MINAR1: variants seen among roughly 807,000 people sequenced by gnomAD.
MINAR1 encodes the protein membrane integral NOTCH2 associated receptor 1, also known as major intrinsically disordered Notch2-binding receptor 1.
In MINAR1, 40 loss-of-function variants were observed where a neutral mutation model predicts 65.1. The ratio of observed to expected loss-of-function variants is 0.61; its 90% confidence interval spans 0.48 to 0.80. The LOEUF is 0.80. Among genes scored for constraint, MINAR1 ranks in the 30% least tolerant of loss-of-function variants. The pLI, the probability that MINAR1 is intolerant of heterozygous loss-of-function variation, is 0.00. For missense variants in MINAR1, 1,128 were observed against 1,148.0 expected (o/e 0.98, Z 0.25); for synonymous variants, 482 against 449.1 (o/e 1.07, Z -0.93).
At chr15:79,423,436 T>A in the MINAR1 span, 1 of 152,242 alleles carries the variant, frequency 6.6e-6, no homozygotes, top group Non-Finnish European at 1.5e-5. Flanking sequence ...TTGAGTGTTG[T>A]AACATTTTAT....
upstream of MINAR1, among the ~76,000 whole-genome samples, chr15:79,431,870 C>T (rs1470178304): frequency 6.6e-6 from 1 of 152,216 alleles, no homozygotes; most frequent in Non-Finnish European, 1.5e-5. Flanking sequence ...ACCGCCTTCC[C>T]GGGGCTCCGG....
rs148993778 is a variant in MINAR1, at chr15:79,460,896, C to T, written c.2299-2171C>T. 3.1e-3 allele frequency among the ~76,000 whole-genome samples: 465 copies of T among 152,338 alleles called. 3 individuals carry two copies. The highest frequency in any genetic ancestry group is 0.011 in the African/African-American group (447 of 41,578). The stretch of plus-strand genomic sequence containing the variant: ...CATTTGGTCACCCATTCAGTAAACA[C>T]TAATTGAGCACCTATGACGGCCAGG... On this transcript the variant is annotated intron_variant, in intron 2 of 3. Transcript: ENST00000305428.
In MINAR1 at chr15:79,432,452, C is replaced by G. The variant is rs1894469696; in HGVS notation, c.-139C>G. 2 of 152,276 alleles carry G rather than the reference C, an allele frequency of 1.3e-5. No homozygotes were observed. Among genetic ancestry groups the G allele is most frequent in the Admixed American group, 1.3e-4 (2 of 15,290 alleles). 9.4% of individuals were successfully genotyped at this position (152,276 alleles called of 1,614,324 possible). A position where few individuals can be genotyped will look rare whatever the true frequency, so the allele number is the denominator to read the frequency against. On this transcript the variant is annotated 5_prime_UTR_variant, in exon 1 of 4. Transcript: ENST00000305428. ...AGCTGACTCTGGAGCCTACCGGAGG[C>G]GCGGCATCGGAGGCCGTGCGGACCA...
chr15:79,461,176 A>G (rs560408604), intron 2 of MINAR1, among the ~76,000 whole-genome samples: 1 of 152,382 alleles, frequency 6.6e-6, no homozygotes, highest in South Asian at 2.1e-4. Context: ...AAACTCAGTG[A>G]TACGAACAGG....
intron 2 of MINAR1, among the ~76,000 whole-genome samples, chr15:79,458,767 A>G (rs1213527796): frequency 6.6e-6 from 1 of 152,232 alleles, no homozygotes; most frequent in African/African-American, 2.4e-5. Flanking sequence ...GGCAAGCATC[A>G]CCAAGGATAT....
chr15:79,466,771 A>G (rs1019293704), intron 3 of MINAR1, among the ~76,000 whole-genome samples: 3 of 152,214 alleles, frequency 2.0e-5, no homozygotes, highest in Non-Finnish European at 2.9e-5. Context: ...GGGACTCTTT[A>G]CAATAGCTGG....
chr15:79,440,655 C>T (rs1894843821), intron 1 of MINAR1, among the ~76,000 whole-genome samples: 1 of 152,154 alleles, frequency 6.6e-6, no homozygotes, highest in South Asian at 2.1e-4. Flanking sequence ...TTTGCCTTCC[C>T]CTTCCCCCGC....
At chr15:79,436,828 C>T (rs571998545) in intron 1 of MINAR1, among the ~76,000 whole-genome samples, 6 of 152,230 alleles carry the variant, frequency 3.9e-5, no homozygotes, top group African/African-American at 9.6e-5. Flanking sequence ...TTTCTACTGA[C>T]GTGGCCTGTG....
upstream of MINAR1, among the ~76,000 whole-genome samples, chr15:79,427,996 G>A (rs117458518): frequency 1.6e-4 from 25 of 152,226 alleles, no homozygotes; most frequent in Non-Finnish European, 3.4e-4. Flanking sequence ...CCGTTTTGTC[G>A]GCCAGCAAAG....
At position 79,456,547 on chromosome 15, in the gene MINAR1, T is replaced by C. The variant is rs747836504; in HGVS notation, c.400T>C (p.Cys134Arg). 2.2e-5 allele frequency: 36 copies of C among 1,614,052 alleles called. No individual in the cohort carries two copies. Among genetic ancestry groups the C allele is most frequent in the Non-Finnish European group, 3.0e-5 (35 of 1,180,020 alleles). ...SDTEICNAAECEPLNCELSER... is the reference protein window; with the variant it reads ...SDTEICNAAEREPLNCELSER... ...CACAGAGATCTGCAATGCAGCTGAG[T>C]GTGAGCCCCTGAACTGTGAGCTGAG... The change falls in exon 2 of 4, where the codon TGT becomes CGT. Residue 134 changes from cysteine (C) to arginine (R), a missense_variant. Physicochemically the swap from Cys to Arg is radical, Grantham distance 180. Coordinates refer to ENST00000305428, the MANE Select transcript of MINAR1 (RefSeq NM_015206.3).
rs757367586 is a variant in MINAR1, at chr15:79,456,713, C to T, written c.566C>T (p.Ala189Val). 6.2e-7 allele frequency: 1 copy of T among 1,614,198 alleles called. No individual in the cohort carries two copies. The highest frequency in any genetic ancestry group is 1.6e-4 in the Middle Eastern group (1 of 6,062). The change falls in exon 2 of 4, where the codon GCC (alanine) becomes GTC (valine). Residue 189 changes from alanine (A) to valine (V), a missense_variant. By Grantham distance (64) the Ala-to-Val change is moderately conservative. Transcript: ENST00000305428. ...LGVSKEVKNR[A>V]ASLDRLQALA... ...GTTAGCAAAGAGGTGAAAAACCGCG[C>T]CGCTTCCCTGGACAGGTTGCAGGCC...
chr15:79,447,524 T>A lies in MINAR1; in HGVS notation c.-50-8574T>A, dbSNP rs1313157050. Among the ~76,000 whole-genome samples, 11 of 152,346 alleles carry A rather than the reference T, an allele frequency of 7.2e-5. No individual in the cohort carries two copies. The East Asian group carries it at 2.1e-3, about 29-fold the overall frequency. On this transcript the variant is annotated intron_variant, in intron 1 of 3. Coordinates refer to ENST00000305428, the MANE Select transcript of MINAR1 (RefSeq NM_015206.3). ...TGGTGATTTTGTGTCTGCTGATTCTTACTCATTGAGTAGTATTTTCTCTTG... is the reference window on the plus strand; with the variant it reads ...TGGTGATTTTGTGTCTGCTGATTCTAACTCATTGAGTAGTATTTTCTCTTG...
At chr15:79,416,132 C>A in the MINAR1 span, 1 of 152,204 alleles carries the variant, frequency 6.6e-6, no homozygotes, top group Admixed American at 6.5e-5. Flanking sequence ...AGGAACACAT[C>A]ATCTTAGTGA....
chr15:79,433,370 G>C (rs1894506928), intron 1 of MINAR1, among the ~76,000 whole-genome samples: 1 of 152,244 alleles, frequency 6.6e-6, no homozygotes, highest in Non-Finnish European at 1.5e-5. Flanking sequence ...TTAAGCAGCA[G>C]GGAAGATAAG....
At chr15:79,448,940 T>C (rs1479411873) in intron 1 of MINAR1, among the ~76,000 whole-genome samples, 2 of 152,172 alleles carry the variant, frequency 1.3e-5, no homozygotes, top group Non-Finnish European at 2.9e-5. Context: ...CAGTTGAATA[T>C]GCGTAAGATT....
chr15:79,469,471 C>T lies in MINAR1; in HGVS notation c.*1087C>T, dbSNP rs541128113. 4.6e-5 allele frequency: 7 copies of T among 152,402 alleles called. No individual in the cohort carries two copies. The highest frequency in any genetic ancestry group is 1.0e-4 in the Non-Finnish European group (7 of 68,004). The allele number at this position is 152,402 out of a possible 1,614,324, so 9.4% of individuals were successfully genotyped here. On this transcript the variant is annotated 3_prime_UTR_variant, in exon 4 of 4. Coordinates refer to ENST00000305428, the MANE Select transcript of MINAR1 (RefSeq NM_015206.3). ...GAGGTCTTCTCAGTTACCCCAACACCTACTCCAGAGTTTTGAATACTTGTC... is the reference window on the plus strand; with the variant it reads ...GAGGTCTTCTCAGTTACCCCAACACTTACTCCAGAGTTTTGAATACTTGTC...
In MINAR1 at chr15:79,457,256, GC is replaced by G. The variant is rs758002743; in HGVS notation, c.1111del (p.Leu371Ter). On this transcript the variant is annotated frameshift_variant, in exon 2 of 4. Coordinates refer to ENST00000305428, the MANE Select transcript of MINAR1 (RefSeq NM_015206.3). LOFTEE classifies it high-confidence loss of function. ...ACTCCCTGGCCAGCCAAAAGCTGGAGCCTAAACACAGAGGAAGTTCCTGACT... is the reference window on the plus strand; with the variant it reads ...ACTCCCTGGCCAGCCAAAAGCTGGAGCTAAACACAGAGGAAGTTCCTGACT... ...KQTPWPAKSW[S>X]LNTEEVPDFE... 1 of 1,614,216 alleles carries G rather than the reference GC, an allele frequency of 6.2e-7. No individual in the cohort carries two copies. The highest frequency in any genetic ancestry group is 1.7e-5 in the Admixed American group (1 of 60,028).
At chr15:79,454,259 A>G (rs77462162) in intron 1 of MINAR1, among the ~76,000 whole-genome samples, 2,178 of 152,314 alleles carry the variant, frequency 0.014, 70 homozygotes, top group African/African-American at 0.05. Context: ...TGGTCTCTGC[A>G]TATCCCTCCA....
At chr15:79,422,565 G>A in the MINAR1 span, 1 of 151,132 alleles carries the variant, frequency 6.6e-6, no homozygotes, top group African/African-American at 2.4e-5. Flanking sequence ...AAAAAAAAAG[G>A]GTTTCAGATA....
Sources: gnomAD v4.1 joint callset for allele counts (sites outside exome capture counted in the v4.1 genomes callset) on GRCh38, gnomAD v4.1.1 for gene constraint, MANE v1.5 for transcripts, NCBI Gene and HGNC (gene_info 2026-07-23, HGNC 2026-07-21) for gene names.